The following EYS variants were observed in gnomAD, a reference collection of about 807,000 sequenced individuals.
EYS encodes protein eyes shut homolog.
In EYS, 250 loss-of-function variants were observed where a neutral mutation model predicts 282.1. That is an observed-to-expected ratio of 0.89 (90% CI 0.80 to 0.98). EYS has a LOEUF of 0.98. Ranked by LOEUF, EYS falls within the 50% of genes least tolerant of loss-of-function variation. The pLI, the probability that EYS is intolerant of heterozygous loss-of-function variation, is 0.00. For synonymous variants in EYS, 1,355 were observed against 1,282.9 expected, an observed-to-expected ratio of 1.06 and a Z score of -1.20; for missense variants, 4,016 against 3,709.0, an observed-to-expected ratio of 1.08 and a Z score of -2.15.
chr6:65,395,093 C>T (rs952578795), intron 7 of EYS, among the ~76,000 whole-genome samples: 7 of 152,272 alleles, frequency 4.6e-5, no homozygotes, highest in South Asian at 2.1e-4. Context: ...GACAGAGTTT[C>T]GCTCTTGTGG....
intron 41 of EYS, among the ~76,000 whole-genome samples, chr6:63,739,206 C>T (rs957062415): frequency 2.6e-5 from 4 of 152,136 alleles, no homozygotes; most frequent in African/African-American, 7.2e-5. Context: ...GTTCCTGTGT[C>T]CTCCTGTCTC....
At chr6:64,376,647 C>T (rs990570339) in intron 29 of EYS, among the ~76,000 whole-genome samples, 1 of 152,146 alleles carries the variant, frequency 6.6e-6, no homozygotes, top group Non-Finnish European at 1.5e-5. Flanking sequence ...TACAGCTAAC[C>T]TATCAGACAT....
At chr6:64,999,239 T>A (rs1473588808) in intron 13 of EYS, among the ~76,000 whole-genome samples, 1 of 152,032 alleles carries the variant, frequency 6.6e-6, no homozygotes, top group Non-Finnish European at 1.5e-5. Context: ...TAGAAAAAAA[T>A]TAAATATTTA....
intron 22 of EYS, among the ~76,000 whole-genome samples, chr6:64,671,217 T>A (rs1268700648): frequency 6.6e-6 from 1 of 152,042 alleles, no homozygotes; most frequent in African/African-American, 2.4e-5. Flanking sequence ...AATTCATACA[T>A]TGAAACCCAG....
At chr6:64,802,489 T>C (rs1764277216) in intron 22 of EYS, among the ~76,000 whole-genome samples, 1 of 152,204 alleles carries the variant, frequency 6.6e-6, no homozygotes, top group African/African-American at 2.4e-5. Context: ...AAATAAATAC[T>C]GTAAGATGGC....
intron 36 of EYS, chr6:63,857,613 C>A (rs530717591): frequency 4.7e-6 from 2 of 422,706 alleles, no homozygotes; most frequent in Non-Finnish European, 9.7e-6. Context: ...ATGGGGTCCA[C>A]GTGTGCTCAG....
intron 13 of EYS, among the ~76,000 whole-genome samples, chr6:65,024,724 A>C (rs1289300839): frequency 6.6e-6 from 1 of 152,208 alleles, no homozygotes; most frequent in East Asian, 1.9e-4. Context: ...GATTCTTTGC[A>C]AGCAATATAT....
chr6:65,243,081 C>CA (rs1454100408), intron 12 of EYS, among the ~76,000 whole-genome samples: 1 of 68,872 alleles, frequency 1.5e-5, no homozygotes, highest in Non-Finnish European at 2.8e-5. Context: ...TGATTTGCAA[C>CA]AAAAAATAAA....
chr6:64,109,602 C>T (rs1773141327), intron 31 of EYS, among the ~76,000 whole-genome samples: 1 of 152,090 alleles, frequency 6.6e-6, no homozygotes, highest in Non-Finnish European at 1.5e-5. Flanking sequence ...ACTATAACCA[C>T]ATGAGTATAC....
chr6:64,812,036 C>A (rs562205225), intron 22 of EYS, among the ~76,000 whole-genome samples: 1 of 151,934 alleles, frequency 6.6e-6, no homozygotes, highest in African/African-American at 2.4e-5. Flanking sequence ...CAGAAATATA[C>A]GTTCAATTTA....
At chr6:65,228,221 C>T (rs184162862) in intron 12 of EYS, among the ~76,000 whole-genome samples, 2 of 151,554 alleles carry the variant, frequency 1.3e-5, no homozygotes, top group East Asian at 3.9e-4. Flanking sequence ...TGAAATAAGA[C>T]AAGGAAAATA....
chr6:64,448,012 G>C (rs1562000177), intron 26 of EYS, among the ~76,000 whole-genome samples: 1 of 152,212 alleles, frequency 6.6e-6, no homozygotes, highest in South Asian at 2.1e-4. Flanking sequence ...AGTGGGTGCA[G>C]GACAGTGGGT....
intron 22 of EYS, among the ~76,000 whole-genome samples, chr6:64,726,194 G>GCT (rs1771749917): frequency 1.3e-5 from 2 of 151,488 alleles, no homozygotes; most frequent in South Asian, 2.1e-4. Flanking sequence ...TATGAGCCTT[G>GCT]CTCTATACAC....
At chr6:64,879,265 T>C (rs1386911935) in intron 19 of EYS, among the ~76,000 whole-genome samples, 1 of 152,144 alleles carries the variant, frequency 6.6e-6, no homozygotes. Flanking sequence ...AATAGCTGGC[T>C]TTGATGCTCA....
intron 26 of EYS, among the ~76,000 whole-genome samples, chr6:64,535,538 G>C (rs182688954): frequency 2.7e-5 from 4 of 150,268 alleles, no homozygotes; most frequent in African/African-American, 9.8e-5. Context: ...AGGAGTTTGA[G>C]ACCATCTTGG....
intron 1 of EYS, among the ~76,000 whole-genome samples, chr6:65,666,462 T>A (rs976843513): frequency 2.0e-5 from 3 of 151,860 alleles, no homozygotes; most frequent in Non-Finnish European, 4.4e-5. Context: ...ATTATACATA[T>A]GCTTTACATA....
chr6:65,391,411 C>G (rs1242678139), intron 7 of EYS, among the ~76,000 whole-genome samples: 1 of 151,856 alleles, frequency 6.6e-6, no homozygotes, highest in Non-Finnish European at 1.5e-5. Flanking sequence ...ATGATTGATT[C>G]AAAAAAACCC....
chr6:64,323,277 C>T (rs1377851353), intron 29 of EYS, among the ~76,000 whole-genome samples: 1 of 152,118 alleles, frequency 6.6e-6, no homozygotes, highest in Non-Finnish European at 1.5e-5. Context: ...GGATATGTTA[C>T]ACATCCTATG....
intron 31 of EYS, among the ~76,000 whole-genome samples, chr6:64,134,588 TAAG>T (rs1774098088): frequency 1.3e-5 from 2 of 152,102 alleles, no homozygotes; most frequent in African/African-American, 2.4e-5. Flanking sequence ...GAAGTATAAT[TAAG>T]AAGATGTGTG....
Sources: gnomAD v4.1 joint callset for allele counts (sites outside exome capture counted in the v4.1 genomes callset) on GRCh38, gnomAD v4.1.1 for gene constraint, MANE v1.5 for transcripts, NCBI Gene and HGNC (gene_info 2026-07-23, HGNC 2026-07-21) for gene names.